The following FBN3 variants were observed in gnomAD, a reference collection of about 807,000 sequenced individuals.
FBN3 encodes the protein fibrillin 3, also known as fibrillin-3.
A neutral mutation model predicts 330.1 loss-of-function variants in FBN3; 234 were observed. The ratio of observed to expected loss-of-function variants is 0.71; its 90% CI spans 0.64 to 0.79. FBN3 has a LOEUF of 0.79. Ranked by LOEUF, FBN3 falls within the 30% of genes least tolerant of loss-of-function variation. FBN3 has a pLI of 0.00. For synonymous variants in FBN3, 1,458 were observed against 1,517.3 expected, an observed-to-expected ratio of 0.96 and a Z score of 0.91; for missense variants, 3,606 against 3,886.9, an observed-to-expected ratio of 0.93 and a Z score of 1.92.
intron 63 of FBN3, 39 bp from the exon 64 acceptor site, chr19:8,066,299 G>A: frequency 9.1e-6 from 13 of 1,426,220 alleles, no homozygotes; most frequent in Non-Finnish European, 1.2e-5. Flanking sequence ...GAGCCCAGGA[G>A]AATCGGGATG....
rs1307618611 is a variant in FBN3, at chr19:8,106,095, A to C, written c.4813+13T>G. 8.1e-6 allele frequency: 13 copies of C among 1,613,816 alleles called. No individual in the cohort carries two copies. The South Asian group carries it at 1.3e-4, about 16-fold the overall frequency. On this transcript the variant is annotated intron_variant, in intron 38 of 63. Transcript: ENST00000600128. ...GAAGAGCCTGACCCACCCCAAAGAG[A>C]ATCCATGCTCACCCTCACAGATGCG...
rs1181779466 is a variant in FBN3 at position 8,094,464 on chromosome 19, G to A, written c.5887C>T (p.Gln1963Ter). Residue 1963 changes from glutamine to a stop codon, truncating the protein, a stop_gained, in exon 47 of 64, where the codon CAG becomes TAG. Coordinates refer to ENST00000600128, the MANE Select transcript of FBN3 (RefSeq NM_032447.5). LOFTEE classifies it high-confidence loss of function. ...CACTCACCAATGCAGTGGTCACTCT[G>A]CACCTGGAAGCCAGGGGGACAGATG... The part of the protein sequence containing the change: ...RCICPPGFQV[Q>*]SDHCIDIDEC... The A allele has an allele frequency of 5.0e-6, 8 of 1,613,550 alleles. No individual in the cohort carries two copies. Among genetic ancestry groups the A allele is most frequent in the Non-Finnish European group, 6.8e-6 (8 of 1,179,728 alleles).
chr19:8,083,334 G>A lies in FBN3; in HGVS notation c.7126C>T (p.His2376Tyr). Residue 2376 changes from histidine to tyrosine, a missense_variant, in exon 57 of 64, where the codon CAT (histidine) becomes TAT (tyrosine). Coordinates refer to ENST00000600128, the MANE Select transcript of FBN3 (RefSeq NM_032447.5). ...ECRMLAHLCA[H>Y]GECINSLGSF... ...CCAAGGCTGTTGATGCACTCCCCAT[G>A]AGCACACAGGTGAGCAAGCATACGG... 1 of 1,614,072 alleles carries A rather than the reference G, an allele frequency of 6.2e-7. No individual in the cohort carries two copies. Among genetic ancestry groups the A allele is most frequent in the Non-Finnish European group, 8.5e-7 (1 of 1,179,994 alleles).
In FBN3 at chr19:8,094,497, A is replaced by G. The variant is rs778767973; in HGVS notation, c.5854T>C (p.Phe1952Leu). 5 of 1,613,844 alleles carry G rather than the reference A, an allele frequency of 3.1e-6. No homozygotes were observed. The Admixed American group carries it at 6.7e-5, about 22-fold the overall frequency. ...PGTCQNLEGS[F>L]RCICPPGFQV... ...AAGCCAGGGGGACAGATGCAGCGGA[A>G]GGAGCCCTCGAGGTTCTGGCAAGTG... The change falls in exon 47 of 64, where the codon TTC (phenylalanine) becomes CTC (leucine). Residue 1952 changes from phenylalanine to leucine, a missense_variant. Transcript: ENST00000600128.
In FBN3 at chr19:8,090,259, G is replaced by A. The variant is rs1180237193; in HGVS notation, c.6032-8C>T. 4 of 1,613,694 alleles carry A rather than the reference G, an allele frequency of 2.5e-6. No homozygotes were observed. The highest frequency in any genetic ancestry group is 1.3e-5 in the African/African-American group (1 of 74,980). ...AGAAACTCTGCCGTGTGTCTGTGGG[G>A]TGGGGGCTCCATTACCCTGATTGAA... On this transcript the variant is annotated splice_region_variant and splice_polypyrimidine_tract_variant and intron_variant, in intron 48 of 63. Coordinates refer to ENST00000600128, the MANE Select transcript of FBN3 (RefSeq NM_032447.5).
At chr19:8,111,791 A>AC (rs770720343) in intron 31 of FBN3, 21 bp from the exon 32 acceptor site, 9 of 1,607,524 alleles carry the variant, frequency 5.6e-6, no homozygotes, top group African/African-American at 4.0e-5. Flanking sequence ...TGGAGCCCAG[A>AC]CCCCCCACCC....
intron 57 of FBN3, among the ~76,000 whole-genome samples, chr19:8,082,817 T>C (rs1416092945): frequency 6.6e-6 from 1 of 151,664 alleles, no homozygotes; most frequent in Non-Finnish European, 1.5e-5. Context: ...CTTTCTTTCT[T>C]TTCTTTTGTT....
At chr19:8,123,068 T>G (rs1212920435) in intron 24 of FBN3, among the ~76,000 whole-genome samples, 1 of 150,870 alleles carries the variant, frequency 6.6e-6, no homozygotes, top group Non-Finnish European at 1.5e-5. Flanking sequence ...AAAGAACAGG[T>G]GTTCGCCAGG....
intron 13 of FBN3, among the ~76,000 whole-genome samples, chr19:8,134,954 A>C (rs1190733646): frequency 3.4e-5 from 5 of 148,282 alleles, no homozygotes; most frequent in African/African-American, 1.2e-4. Flanking sequence ...TATATAAATA[A>C]ATATAAATAT....
At chr19:8,147,524 T>C (rs1288086551) in intron 1 of FBN3, 27 bp from the exon 2 acceptor site, 13 of 1,418,246 alleles carry the variant, frequency 9.2e-6, no homozygotes, top group Non-Finnish European at 1.2e-5. Context: ...GAGTCAGCCC[T>C]AGATGAGCCC....
rs7246376 is a variant in FBN3 at position 8,138,444 on chromosome 19, G to A, written c.986C>T (p.Pro329Leu). The change falls in exon 9 of 64, where the codon CCG (proline) becomes CTG (leucine). Residue 329 changes from proline to leucine, a missense_variant. Coordinates refer to ENST00000600128, the MANE Select transcript of FBN3 (RefSeq NM_032447.5). Reference protein sequence around the residue: ...CDRGRCWAAGPVPELCPPRGS... With the variant: ...CDRGRCWAAGLVPELCPPRGS... Reference sequence around the variant, plus strand: ...CCGAGGAGGACACAGCTCAGGGACCGGGCCAGCTGCCCAGCACCTGCCCCT... The same window carrying A: ...CCGAGGAGGACACAGCTCAGGGACCAGGCCAGCTGCCCAGCACCTGCCCCT... 337,543 of 1,612,480 alleles carry A rather than the reference G, an allele frequency of 0.21. 40,854 individuals are homozygous for A. Among genetic ancestry groups the A allele is most frequent in the East Asian group, 0.45 (20,046 of 44,842 alleles).
At chr19:8,078,608 T>A (rs1442390989) in intron 59 of FBN3, among the ~76,000 whole-genome samples, 2 of 149,692 alleles carry the variant, frequency 1.3e-5, no homozygotes, top group Non-Finnish European at 3.0e-5. Context: ...AGAGATGGGG[T>A]CTCACTGTGT....
rs565070326 is a variant in FBN3, at chr19:8,091,566, G to C, written c.5930C>G (p.Pro1977Arg). ...CIDIDECSEE[P>R]NLCLFGTCTN... ...ACAGGTGCCAAAGAGGCAGAGGTTG[G>C]GCTCCTCTGAGCACTCGTCGATATC... Residue 1977 changes from proline to arginine, a missense_variant, in exon 48 of 64, where the codon CCC (proline) becomes CGC (arginine). By Grantham distance (103) the Pro-to-Arg change is moderately radical. Coordinates refer to ENST00000600128, the MANE Select transcript of FBN3 (RefSeq NM_032447.5). The C allele has an allele frequency of 3.7e-6, 6 of 1,614,072 alleles. No homozygotes were observed. The East Asian group carries it at 1.3e-4, about 36-fold the overall frequency.
chr19:8,101,722 CT>C (rs2082331650), intron 40 of FBN3, among the ~76,000 whole-genome samples: 1 of 151,942 alleles, frequency 6.6e-6, no homozygotes, highest in South Asian at 2.1e-4. Context: ...GCTTTCCTCC[CT>C]GGCCTGGGAC....
rs115834799 is a variant in FBN3 at position 8,117,361 on chromosome 19, G to C, written c.3464-70C>G. ...TCCAGGATGGGGAGGGGGCTGGTTTGGGGGTGGGAGCAGAGTGGAGTTGAG... is the reference window on the plus strand; with the variant it reads ...TCCAGGATGGGGAGGGGGCTGGTTTCGGGGTGGGAGCAGAGTGGAGTTGAG... On this transcript the variant is annotated intron_variant, in intron 27 of 63. Transcript: ENST00000600128. The C allele has an allele frequency of 1.1e-4, 165 of 1,537,464 alleles. 2 individuals carry two copies. In the African/African-American group the frequency reaches 2.0e-3, roughly 19 times the overall value.
chr19:8,135,936 G>GTCCCCC, intron 13 of FBN3, 25 bp downstream of exon 13: 13 of 668,776 alleles, frequency 1.9e-5, no homozygotes, highest in South Asian at 4.9e-5. Context: ...GGAAGCCCCT[G>GTCCCCC]CCCACCCGCC....
intron 59 of FBN3, among the ~76,000 whole-genome samples, chr19:8,079,386 C>T (rs1003107619): frequency 6.6e-6 from 1 of 151,644 alleles, no homozygotes; most frequent in African/African-American, 2.4e-5. Context: ...TGCTGTATTC[C>T]AGCCTGGGTG....
In FBN3 at chr19:8,088,160, G is replaced by A. The variant is rs199803520; in HGVS notation, c.6396C>T (p.Val2132=). 106 of 1,606,386 alleles carry A rather than the reference G, an allele frequency of 6.6e-5. No individual in the cohort carries two copies. In the African/African-American group the frequency reaches 7.5e-4, roughly 11 times the overall value. ...INCVDTDECS[V]GHPCGQGTCT... ...ATGTCCCTTGCCCACAGGGGTGGCC[G>A]ACAGAGCACTCGTCTGTGTCTGGGT... The change falls in exon 52 of 64, where the codon GTC becomes GTT. Residue 2132 remains valine, a synonymous_variant. Coordinates refer to ENST00000600128, the MANE Select transcript of FBN3 (RefSeq NM_032447.5).
chr19:8,145,794 G>T, intron 5 of FBN3, 49 bp downstream of exon 5: 4 of 1,417,996 alleles, frequency 2.8e-6, no homozygotes, highest in South Asian at 1.2e-5. Context: ...AATACTCTGG[G>T]ATCACAGTCC....
Sources: allele counts gnomAD v4.1 joint callset (sites outside exome capture counted in the v4.1 genomes callset), GRCh38; gene constraint gnomAD v4.1.1; transcripts MANE v1.5; gene names NCBI Gene and HGNC (gene_info 2026-07-23, HGNC 2026-07-21).